The following STARD3NL variants were observed in gnomAD, a reference collection of about 807,000 sequenced individuals.
STARD3NL encodes the protein STARD3 N-terminal like, also known as STARD3 N-terminal-like protein.
Under a neutral mutation model 30.9 loss-of-function variants are expected in STARD3NL, and 17 were observed. The observed-to-expected ratio is 0.55, with a 90% confidence interval of 0.38 to 0.82. The LOEUF (loss-of-function observed/expected upper bound fraction) is 0.82. Among genes scored for constraint, STARD3NL ranks in the 40% least tolerant of loss-of-function variants. The pLI, the probability that STARD3NL is intolerant of heterozygous loss-of-function variation, is 0.00. For missense variants in STARD3NL, 234 were observed against 277.6 expected (o/e 0.84, Z 1.12); for synonymous variants, 112 against 100.5 (o/e 1.11, Z -0.69).
chr7:38,189,089 C>T (rs1226606650), intron 1 of STARD3NL, among the ~76,000 whole-genome samples: 1 of 151,872 alleles, frequency 6.6e-6, no homozygotes, highest in African/African-American at 2.4e-5. Flanking sequence ...GACTACAAAA[C>T]AATGACCAAA....
Position 38,230,566 on chromosome 7 carries a change from G to T in STARD3NL, c.*661G>T, listed in dbSNP as rs778930684. On this transcript the variant is annotated 3_prime_UTR_variant, in exon 9 of 9. Coordinates refer to ENST00000009041, the MANE Select transcript of STARD3NL (RefSeq NM_032016.4). ...AATCATGTTTTTCTCTGATTGTTCTGAAATGTTCTAAATACTCTTATTTTG... is the reference window on the plus strand; with the variant it reads ...AATCATGTTTTTCTCTGATTGTTCTTAAATGTTCTAAATACTCTTATTTTG... 5 of 152,098 alleles carry T rather than the reference G, an allele frequency of 3.3e-5. No homozygotes were observed. The highest frequency in any genetic ancestry group is 7.4e-5 in the Non-Finnish European group (5 of 68,022). The allele number at this position is 152,098 out of a possible 1,614,324, so 9.4% of individuals were successfully genotyped here. A position where few individuals can be genotyped will look rare whatever the true frequency, so the allele number is the denominator to read the frequency against.
chr7:38,205,766 C>G (rs1026797220), intron 1 of STARD3NL, among the ~76,000 whole-genome samples: 1 of 152,182 alleles, frequency 6.6e-6, no homozygotes, highest in African/African-American at 2.4e-5. Flanking sequence ...TATGTTACCA[C>G]TACTCAGGTA....
chr7:38,220,963 GAAA>G (rs1562624753), intron 7 of STARD3NL, among the ~76,000 whole-genome samples: 195 of 151,932 alleles, frequency 1.3e-3, no homozygotes, highest in African/African-American at 4.6e-3. Flanking sequence ...GAAAAGAAAA[GAAA>G]AGAAAAGAAT....
intron 1 of STARD3NL, among the ~76,000 whole-genome samples, chr7:38,203,452 C>T (rs572727606): frequency 1.3e-5 from 2 of 152,170 alleles, no homozygotes; most frequent in Non-Finnish European, 2.9e-5. Context: ...ACCACCAGGC[C>T]TGCCCTACAA....
chr7:38,200,693 G>A (rs974370228), intron 1 of STARD3NL, among the ~76,000 whole-genome samples: 1 of 152,096 alleles, frequency 6.6e-6, no homozygotes, highest in African/African-American at 2.4e-5. Flanking sequence ...CTGCTTTGTA[G>A]GAGTAAGAAA....
chr7:38,200,674 G>T (rs568710215), intron 1 of STARD3NL, among the ~76,000 whole-genome samples: 3 of 152,220 alleles, frequency 2.0e-5, no homozygotes, highest in African/African-American at 7.2e-5. Flanking sequence ...AAATTTCCCA[G>T]TTTACAGTCT....
At chr7:38,197,136 T>TTTTCTC (rs1784938576) in intron 1 of STARD3NL, among the ~76,000 whole-genome samples, 1 of 112,276 alleles carries the variant, frequency 8.9e-6, no homozygotes, top group Non-Finnish European at 1.8e-5. Context: ...GCATTACCTT[T>TTTTCTC]TTTCTTTCTT....
intron 1 of STARD3NL, among the ~76,000 whole-genome samples, chr7:38,200,307 A>G (rs190698524): frequency 1.5e-4 from 23 of 152,240 alleles, no homozygotes; most frequent in African/African-American, 4.3e-4. Context: ...ACCTGGCTGA[A>G]TGTACCTGTC....
intron 2 of STARD3NL, among the ~76,000 whole-genome samples, chr7:38,211,981 G>A (rs1301342298): frequency 2.0e-5 from 3 of 151,888 alleles, no homozygotes; most frequent in Non-Finnish European, 4.4e-5. Flanking sequence ...CTTTTCCACT[G>A]TTTCCCTTTC....
At chr7:38,226,267 T>G (rs1324972097) in intron 7 of STARD3NL, among the ~76,000 whole-genome samples, 1 of 148,804 alleles carries the variant, frequency 6.7e-6, no homozygotes, top group Non-Finnish European at 1.5e-5. Flanking sequence ...AGTAAAGAGC[T>G]ATATCTTTAT....
chr7:38,184,838 T>A (rs1360023790), intron 1 of STARD3NL, among the ~76,000 whole-genome samples: 1 of 147,858 alleles, frequency 6.8e-6, no homozygotes, highest in Non-Finnish European at 1.5e-5. Flanking sequence ...ATAGGCAGCA[T>A]ATATACTATA....
intron 7 of STARD3NL, 70 bp from the exon 8 acceptor site, chr7:38,228,729 T>C (rs1786928203): frequency 7.5e-7 from 1 of 1,328,460 alleles, no homozygotes; most frequent in Non-Finnish European, 1.1e-6. Flanking sequence ...TTTAAACCTA[T>C]TTATTTAAAA....
At position 38,178,345 on chromosome 7, in the gene STARD3NL, C is replaced by G. The variant is rs1050490392; in HGVS notation, c.-134C>G. The G allele has an allele frequency of 6.6e-6, 1 of 152,160 alleles. No homozygotes were observed. The allele number at this position is 152,160 out of a possible 1,614,324, so 9.4% of individuals were successfully genotyped here. A position where few individuals can be genotyped will look rare whatever the true frequency, so the allele number is the denominator to read the frequency against. On this transcript the variant is annotated 5_prime_UTR_variant, in exon 1 of 9. Coordinates refer to ENST00000009041, the MANE Select transcript of STARD3NL (RefSeq NM_032016.4). ...GGTCACGCCCCGCCAAGCCCCGCCCCTCAGGCCGGGGCGCGACCGCGGATC... is the reference window on the plus strand; with the variant it reads ...GGTCACGCCCCGCCAAGCCCCGCCCGTCAGGCCGGGGCGCGACCGCGGATC...
chr7:38,211,997 C>A (rs1785834353), intron 2 of STARD3NL, among the ~76,000 whole-genome samples: 1 of 152,026 alleles, frequency 6.6e-6, no homozygotes, highest in South Asian at 2.1e-4. Flanking sequence ...CTTTCTTTTC[C>A]ACTGTTTCCA....
chr7:38,225,278 C>T (rs781522113), intron 7 of STARD3NL, among the ~76,000 whole-genome samples: 23 of 151,840 alleles, frequency 1.5e-4, no homozygotes, highest in Non-Finnish European at 3.2e-4. Context: ...AATATTTTTC[C>T]CAGTCTATTA....
At chr7:38,228,314 C>G (rs544132307) in intron 7 of STARD3NL, among the ~76,000 whole-genome samples, 3 of 152,326 alleles carry the variant, frequency 2.0e-5, no homozygotes, top group African/African-American at 7.2e-5. Flanking sequence ...CAGGTCAAAT[C>G]TAGGAATATC....
chr7:38,198,078 A>G (rs1257501798), intron 1 of STARD3NL: 1 of 152,230 alleles, frequency 6.6e-6, no homozygotes, highest in Non-Finnish European at 1.5e-5. Context: ...CCATGACTGT[A>G]TTTCGCACAC....
intron 1 of STARD3NL, among the ~76,000 whole-genome samples, chr7:38,206,277 C>T (rs1438153629): frequency 1.3e-5 from 2 of 152,164 alleles, no homozygotes; most frequent in African/African-American, 4.8e-5. Context: ...GAGCCACATA[C>T]TGGCGATTCA....
Position 38,213,796 on chromosome 7 carries a change from A to C in STARD3NL, c.226-561A>C, listed in dbSNP as rs979911893. On this transcript the variant is annotated intron_variant, in intron 2 of 8. Coordinates refer to ENST00000009041, the MANE Select transcript of STARD3NL (RefSeq NM_032016.4). ...TTGAGTCTAGTACTGTCCTTATTTC[A>C]TTATCTATTCATGTTAAAAATATAT... Among the ~76,000 whole-genome samples, 15 of 152,326 alleles carry C rather than the reference A, an allele frequency of 9.8e-5. No homozygotes were observed. In the South Asian group the frequency reaches 2.9e-3, roughly 29 times the overall value.
Sources: gnomAD v4.1 joint callset for allele counts (sites outside exome capture counted in the v4.1 genomes callset) on GRCh38, gnomAD v4.1.1 for gene constraint, MANE v1.5 for transcripts, NCBI Gene and HGNC (gene_info 2026-07-23, HGNC 2026-07-21) for gene names.